The following C1orf94 variants were observed in gnomAD, a reference collection of about 807,000 sequenced individuals.
The protein encoded by C1orf94 is uncharacterized protein C1orf94.
A neutral mutation model predicts 53.6 loss-of-function variants in C1orf94; 45 were observed. The ratio of observed to expected loss-of-function variants is 0.84; its 90% CI spans 0.66 to 1.08. The LOEUF (loss-of-function observed/expected upper bound fraction) is 1.08, where lower values mean the gene tolerates loss of function less well. C1orf94 is among the 50% of genes least tolerant of loss of function. The pLI is 0.00. For missense variants in C1orf94, 762 were observed against 738.9 expected (o/e 1.03, Z -0.36); for synonymous variants, 304 against 296.1 (o/e 1.03, Z -0.27).
At chr1:34,175,651 T>C (rs1642213133), upstream of C1orf94, among the ~76,000 whole-genome samples, 1 of 152,166 alleles carries the variant, frequency 6.6e-6, no homozygotes, top group Admixed American at 6.5e-5. Context: ...ACCTACTGTA[T>C]ACCAGGCACT....
chr1:34,210,345 C>T (rs1642869511), intron 5 of C1orf94, among the ~76,000 whole-genome samples: 1 of 152,196 alleles, frequency 6.6e-6, no homozygotes, highest in African/African-American at 2.4e-5. Context: ...CATCACCAGG[C>T]CCCACATCTC....
chr1:34,194,196 A>G (rs1186238883), intron 1 of C1orf94, among the ~76,000 whole-genome samples: 1 of 152,258 alleles, frequency 6.6e-6, no homozygotes, highest in Non-Finnish European at 1.5e-5. Flanking sequence ...TAATTACATT[A>G]TAATAATTAT....
rs1272238714 is a variant in C1orf94, at chr1:34,200,982, G to A, written c.1220G>A (p.Gly407Glu). The A allele has an allele frequency of 6.2e-7, 1 of 1,612,890 alleles. No individual in the cohort carries two copies. The highest frequency in any genetic ancestry group is 8.5e-7 in the Non-Finnish European group (1 of 1,179,500). ...EFLGATKNPSGQPRLRNKVEV... is the reference protein window; with the variant it reads ...EFLGATKNPSEQPRLRNKVEV... ...CTTGGGGCCACCAAGAACCCAAGCG[G>A]GCAGCCGAGACTTCGAAACAAAGTG... The change falls in exon 3 of 7, where the codon GGG becomes GAG. Residue 407 changes from glycine to glutamate, a missense_variant. Gly to Glu is a moderately conservative substitution (Grantham distance 98). Transcript: ENST00000488417.
chr1:34,189,753 A>AT (rs1373846530), intron 1 of C1orf94, among the ~76,000 whole-genome samples: 2 of 152,138 alleles, frequency 1.3e-5, no homozygotes, highest in Non-Finnish European at 2.9e-5. Context: ...GCAAGTCCCC[A>AT]TGCTGGACAG....
At chr1:34,194,445 G>T (rs1642547477) in intron 1 of C1orf94, among the ~76,000 whole-genome samples, 1 of 152,124 alleles carries the variant, frequency 6.6e-6, no homozygotes, top group African/African-American at 2.4e-5. Context: ...ACCATCATGG[G>T]GTGATTTTTG....
At chr1:34,184,609 G>A (rs1297065469) in intron 1 of C1orf94, among the ~76,000 whole-genome samples, 1 of 152,202 alleles carries the variant, frequency 6.6e-6, no homozygotes, top group Non-Finnish European at 1.5e-5. Flanking sequence ...TTGCAAGAAG[G>A]AAGAAGGCTT....
At chr1:34,215,909 G>A (rs561981203) in intron 6 of C1orf94, among the ~76,000 whole-genome samples, 12 of 152,312 alleles carry the variant, frequency 7.9e-5, no homozygotes, top group African/African-American at 2.6e-4. Flanking sequence ...GGGAGGCTGA[G>A]GCAGGAGAAT....
rs1642600336 is a variant in C1orf94, at chr1:34,197,185, G to A, written c.321-40G>A. ...CTTCTGCAAAGCCACGCCTTGGTGA[G>A]CTGGCACTAACACCGTCTGTCTCTC... On this transcript the variant is annotated intron_variant, in intron 1 of 6. Transcript: ENST00000488417. This position sits in a 1 kb window ranked among gnomAD's most constrained non-coding sequence, Gnocchi z 4.1. 2 of 1,465,738 alleles carry A rather than the reference G, an allele frequency of 1.4e-6. No homozygotes were observed. The highest frequency in any genetic ancestry group is 1.4e-5 in the South Asian group (1 of 70,082). The allele number at this position is 1,465,738 out of a possible 1,614,324, so 90.8% of individuals were successfully genotyped here.
At chr1:34,184,896 A>G (rs1322336392) in intron 1 of C1orf94, among the ~76,000 whole-genome samples, 3 of 152,156 alleles carry the variant, frequency 2.0e-5, no homozygotes, top group Admixed American at 2.0e-4. Flanking sequence ...GATAAAGACA[A>G]GACTCAGATA....
intron 4 of C1orf94, among the ~76,000 whole-genome samples, chr1:34,203,600 C>T (rs1167006196): frequency 6.6e-6 from 1 of 152,156 alleles, no homozygotes. Context: ...ACTTAAACTA[C>T]ACCAAGCAGT....
intron 4 of C1orf94, among the ~76,000 whole-genome samples, chr1:34,202,915 ATGCG>A (rs1642735524): frequency 6.6e-6 from 1 of 152,236 alleles, no homozygotes; most frequent in African/African-American, 2.4e-5. Context: ...ACAAAAAATA[ATGCG>A]AGTAAAAGAT....
intron 2 of C1orf94, among the ~76,000 whole-genome samples, chr1:34,200,259 AGGCAGGAACTGT>A: frequency 6.6e-6 from 1 of 152,230 alleles, no homozygotes; most frequent in East Asian, 1.9e-4. Flanking sequence ...TGCTCACTGA[AGGCAGGAACTGT>A]GTCCACAACA....
intron 4 of C1orf94, 120 bp downstream of exon 4, chr1:34,202,379 C>T (rs936632339): frequency 2.7e-6 from 3 of 1,127,518 alleles, no homozygotes; most frequent in African/African-American, 3.1e-5. Flanking sequence ...CCCTTCCCTA[C>T]ATGCAAGAGG....
At chr1:34,216,995 G>T (rs953649039) in intron 6 of C1orf94, among the ~76,000 whole-genome samples, 2 of 152,124 alleles carry the variant, frequency 1.3e-5, no homozygotes, top group Non-Finnish European at 2.9e-5. Context: ...CACAGGAATC[G>T]CTTGGACCTG....
At chr1:34,194,320 A>T (rs772771064) in intron 1 of C1orf94, among the ~76,000 whole-genome samples, 19 of 152,144 alleles carry the variant, frequency 1.2e-4, no homozygotes, top group Non-Finnish European at 2.5e-4. Context: ...AAGGTGTAGA[A>T]GGCAGCTCTT....
Position 34,196,606 on chromosome 1 carries a change from G to A in C1orf94, c.321-619G>A, listed in dbSNP as rs143292192. Among the ~76,000 whole-genome samples, 495 of 152,286 alleles carry A rather than the reference G, an allele frequency of 3.3e-3. 7 individuals are homozygous for A. The highest frequency in any genetic ancestry group is 0.011 in the African/African-American group (476 of 41,566). On this transcript the variant is annotated intron_variant, in intron 1 of 6. Coordinates refer to ENST00000488417, the MANE Select transcript of C1orf94 (RefSeq NM_001134734.2). ...CTCTATGCCAGACACCATTCAAAGT[G>A]CTTTGCACCTCTATGATACTCCTAG... is the stretch of plus-strand genomic sequence containing the variant.
At chr1:34,202,472 C>T (rs1642728158) in intron 4 of C1orf94, among the ~76,000 whole-genome samples, 1 of 152,190 alleles carries the variant, frequency 6.6e-6, no homozygotes, top group Non-Finnish European at 1.5e-5. Flanking sequence ...AGATCTACCC[C>T]TTGGTTCATG....
chr1:34,169,850 C>T (rs775979296), intron 1 of C1orf94, among the ~76,000 whole-genome samples: 1 of 152,196 alleles, frequency 6.6e-6, no homozygotes, highest in African/African-American at 2.4e-5. Context: ...GATCTGCTGC[C>T]CAAGGAGTGG....
Position 34,194,544 on chromosome 1 carries a change from A to G in C1orf94, c.321-2681A>G, listed in dbSNP as rs1409077674. ...TTGTATAAAATAAAGCAGAAAGCAA[A>G]TACAGACAAATAGAATGACTAGTGT... On this transcript the variant is annotated intron_variant, in intron 1 of 6. Coordinates refer to ENST00000488417, the MANE Select transcript of C1orf94 (RefSeq NM_001134734.2). 4.6e-5 allele frequency among the ~76,000 whole-genome samples: 7 copies of G among 152,300 alleles called. No homozygotes were observed. In the East Asian group the frequency reaches 1.3e-3, roughly 29 times the overall value.
Sources: allele counts gnomAD v4.1 joint callset (sites outside exome capture counted in the v4.1 genomes callset), GRCh38; gene constraint gnomAD v4.1.1; non-coding constraint Gnocchi (gnomAD v3.1); transcripts MANE v1.5; gene names NCBI Gene and HGNC (gene_info 2026-07-23, HGNC 2026-07-21).